DYDC1: variants seen among roughly 807,000 people sequenced by gnomAD.
The protein encoded by DYDC1 is DPY30 domain containing 1, also known as DPY30 domain-containing protein 1.
In DYDC1, 21 loss-of-function variants were observed where a neutral mutation model predicts 27.9. The observed-to-expected ratio is 0.75, with a 90% CI of 0.53 to 1.08. DYDC1 has a LOEUF of 1.08. Among genes scored for constraint, DYDC1 ranks in the 50% least tolerant of loss-of-function variants. The pLI is 0.00. For missense variants in DYDC1, 202 were observed against 205.9 expected (o/e 0.98, Z 0.12); for synonymous variants, 67 against 65.8 (o/e 1.02, Z -0.09).
At chr10:80,353,892 G>A (rs1843169384) in intron 1 of DYDC1, among the ~76,000 whole-genome samples, 1 of 152,074 alleles carries the variant, frequency 6.6e-6, no homozygotes, top group Non-Finnish European at 1.5e-5. Context: ...TTGAAACCAT[G>A]TTAGTTGTAG....
At chr10:80,338,020 A>G (rs1842189703) in intron 6 of DYDC1, 1 of 936,868 alleles carries the variant, frequency 1.1e-6, no homozygotes, top group Admixed American at 6.2e-5. Context: ...TGCCTTATTC[A>G]CCACAGCATC....
chr10:80,336,937 A>C (rs1649112790), intron 6 of DYDC1, among the ~76,000 whole-genome samples: 1 of 152,162 alleles, frequency 6.6e-6, no homozygotes, highest in Non-Finnish European at 1.5e-5. Flanking sequence ...TCTCCACCTT[A>C]TAAAAACACA....
At chr10:80,346,981 G>A (rs945853135) in intron 3 of DYDC1, among the ~76,000 whole-genome samples, 66 of 151,986 alleles carry the variant, frequency 4.3e-4, no homozygotes, top group Non-Finnish European at 1.6e-4. Context: ...TCAGGAGGCT[G>A]AGGCAGGAGA....
At chr10:80,341,691 G>C (rs945016340) in intron 4 of DYDC1, among the ~76,000 whole-genome samples, 10 of 152,028 alleles carry the variant, frequency 6.6e-5, no homozygotes, top group African/African-American at 2.4e-4. Flanking sequence ...ACTGCTCACA[G>C]AGAAGTTTCA....
intron 3 of DYDC1, among the ~76,000 whole-genome samples, chr10:80,350,178 G>A (rs867175852): frequency 2.0e-5 from 3 of 152,020 alleles, no homozygotes; most frequent in South Asian, 4.1e-4. Context: ...TTTCTCTTCC[G>A]CCCTACTACA....
At chr10:80,353,880 T>C (rs553362528) in intron 1 of DYDC1, among the ~76,000 whole-genome samples, 2 of 152,174 alleles carry the variant, frequency 1.3e-5, no homozygotes, top group South Asian at 4.2e-4. Context: ...TCCTTCAGGA[T>C]TTTGAAACCA....
chr10:80,352,673 A>T, intron 1 of DYDC1, 63 bp from the exon 2 acceptor site: 10 of 1,517,588 alleles, frequency 6.6e-6, no homozygotes, highest in Non-Finnish European at 8.8e-6. Flanking sequence ...ATAAAACTAA[A>T]GTCCAGTGAG....
chr10:80,346,919 A>G (rs971439948), intron 3 of DYDC1, among the ~76,000 whole-genome samples: 1 of 151,868 alleles, frequency 6.6e-6, no homozygotes, highest in African/African-American at 2.4e-5. Flanking sequence ...TACTAAAAAT[A>G]CAAAAAAAAA....
chr10:80,336,836 G>C (rs1052919288), intron 6 of DYDC1, among the ~76,000 whole-genome samples: 1 of 152,136 alleles, frequency 6.6e-6, no homozygotes, highest in African/African-American at 2.4e-5. Context: ...CTCCATCTCT[G>C]CTGTCTAACC....
At chr10:80,336,412 A>C in intron 6 of DYDC1, 53 of 922,312 alleles carry the variant, frequency 5.7e-5, no homozygotes, top group South Asian at 2.0e-4. Context: ...ATGCATTCTC[A>C]TCCTTCTTGT....
intron 4 of DYDC1, 48 bp from the exon 5 acceptor site, chr10:80,339,201 G>T: frequency 1.2e-6 from 1 of 838,700 alleles, no homozygotes; most frequent in Non-Finnish European, 1.7e-6. Context: ...ACTCCATTTT[G>T]ATTTCATGTT....
chr10:80,345,623 T>C (rs757504502), intron 3 of DYDC1, among the ~76,000 whole-genome samples: 4 of 152,180 alleles, frequency 2.6e-5, no homozygotes, highest in Non-Finnish European at 5.9e-5. Context: ...CACTGTTCTA[T>C]TCTCTCTTTT....
chr10:80,354,071 G>A lies in DYDC1; in HGVS notation c.-9-1461C>T, dbSNP rs531651856. Among the ~76,000 whole-genome samples, 179 of 151,288 alleles carry A rather than the reference G, an allele frequency of 1.2e-3. No individual in the cohort carries two copies. The Middle Eastern group carries it at 0.017, about 14-fold the overall frequency. ...GCGGAGCTTGCAGTGAGCCAAGATC[G>A]TGCCACTGCACTCCAGCCTGGGCGA... On this transcript the variant is annotated intron_variant, in intron 1 of 6. Coordinates refer to ENST00000372202, the MANE Select transcript of DYDC1 (RefSeq NM_001269053.2).
rs143359831 is a variant in DYDC1 at position 80,342,290 on chromosome 10, T to C, written c.321A>G (p.Arg107=). The change falls in exon 4 of 7, where the codon AGA becomes AGG. Residue 107 remains arginine (R), a synonymous_variant. Coordinates refer to ENST00000372202, the MANE Select transcript of DYDC1 (RefSeq NM_001269053.2). ...TTACCTTGCCTAATTGTTCTTGAGC[T>C]CTCTGTAGTTCTTGTATTCTCTGCC... The part of the protein sequence containing the change: ...KERQRIQELQ[R]AQEQLGKEMR... 3.1e-6 allele frequency: 5 copies of C among 1,613,712 alleles called. No homozygotes were observed. In the African/African-American group the frequency reaches 4.0e-5, roughly 13 times the overall value.
At chr10:80,342,442 C>T (rs1842366989) in intron 3 of DYDC1, 81 bp from the exon 4 acceptor site, 1 of 1,336,200 alleles carries the variant, frequency 7.5e-7, no homozygotes, top group East Asian at 2.3e-5. Flanking sequence ...ATTTCAGAAA[C>T]TTACAATACA....
At chr10:80,356,271 C>T (rs1843362558) in intron 1 of DYDC1, 3 of 985,458 alleles carry the variant, frequency 3.0e-6, no homozygotes, top group Non-Finnish European at 3.6e-6. Flanking sequence ...CATCTTGGCT[C>T]AACATAAGAA....
chr10:80,348,661 T>C (rs963488066), intron 3 of DYDC1, among the ~76,000 whole-genome samples: 1 of 152,208 alleles, frequency 6.6e-6, no homozygotes, highest in Non-Finnish European at 1.5e-5. Flanking sequence ...AACTATGCAA[T>C]TAAGAAGCTT....
chr10:80,342,274 C>T lies in DYDC1; in HGVS notation c.337G>A (p.Gly113Ser). ...TTTATAAAACTTCAAATTACCTTGC[C>T]TAATTGTTCTTGAGCTCTCTGTAGT... The part of the protein sequence containing the change: ...QELQRAQEQL[G>S]KEMRMNMENL... The change falls in exon 4 of 7, where the codon GGC becomes AGC. Residue 113 changes from glycine (G) to serine (S), a missense_variant. Transcript: ENST00000372202. 1 of 1,613,310 alleles carries T rather than the reference C, an allele frequency of 6.2e-7. No homozygotes were observed. Among genetic ancestry groups the T allele is most frequent in the Non-Finnish European group, 8.5e-7 (1 of 1,179,712 alleles).
chr10:80,350,866 T>C (rs528206901), intron 3 of DYDC1, among the ~76,000 whole-genome samples: 1 of 152,106 alleles, frequency 6.6e-6, no homozygotes. Context: ...CCATGACCCA[T>C]CCCTTCAACA....
Sources: gnomAD v4.1 joint callset for allele counts (sites outside exome capture counted in the v4.1 genomes callset) on GRCh38, gnomAD v4.1.1 for gene constraint, MANE v1.5 for transcripts, NCBI Gene and HGNC (gene_info 2026-07-23, HGNC 2026-07-21) for gene names.